Variants in RORA observed in about 807,000 individuals in gnomAD.
The protein encoded by RORA is RAR related orphan receptor A.
In RORA, 7 loss-of-function variants were observed where a neutral mutation model predicts 69.5. The observed-to-expected ratio is 0.10, with a 90% CI of 0.06 to 0.19. The LOEUF (loss-of-function observed/expected upper bound fraction) is 0.19. Ranked by LOEUF, RORA falls within the 10% of genes least tolerant of loss-of-function variation. RORA has a pLI of 1.00. For synonymous variants in RORA, 261 were observed against 240.8 expected (o/e 1.08, Z -0.78); for missense variants, 457 against 663.0 (o/e 0.69, Z 3.41).
At chr15:60,868,251 G>A (rs957961244) in intron 1 of RORA, among the ~76,000 whole-genome samples, 22 of 152,250 alleles carry the variant, frequency 1.4e-4, no homozygotes, top group Middle Eastern at 6.8e-3. Context: ...GTCACTGGAG[G>A]TATCTGTGAA....
Position 60,511,581 on chromosome 15 carries a change from G to A in RORA, c.465C>T (p.Ser155=). The part of the protein sequence containing the change: ...FGRMSKKQRD[S]LYAEVQKHRM... ...GGTGTTTCTGTACTTCTGCATACAA[G>A]CTGTCTCTCTGCTTTTTTGACATTC... Residue 155 remains serine (S), a synonymous_variant, in exon 5 of 11, where the codon AGC becomes AGT. Coordinates refer to ENST00000335670, the MANE Select transcript of RORA (RefSeq NM_134261.3). The surrounding 1 kb of genome is among the most constrained non-coding windows in gnomAD (Gnocchi z 6.4). 1.2e-6 allele frequency: 2 copies of A among 1,611,774 alleles called. No homozygotes were observed. Among genetic ancestry groups the A allele is most frequent in the Non-Finnish European group, 1.7e-6 (2 of 1,178,502 alleles).
intron 1 of RORA, among the ~76,000 whole-genome samples, chr15:61,201,444 A>G (rs1354373539): frequency 1.3e-5 from 2 of 152,222 alleles, no homozygotes; most frequent in Non-Finnish European, 2.9e-5. Flanking sequence ...ACAGGTGAAG[A>G]TATGAAACAG....
intron 2 of RORA, among the ~76,000 whole-genome samples, chr15:60,618,439 A>G (rs941263036): frequency 3.3e-5 from 5 of 152,180 alleles, no homozygotes; most frequent in Non-Finnish European, 5.9e-5. Context: ...CACCCCAGGC[A>G]CCTGGCACAC....
At chr15:60,793,177 G>T (rs1026735382) in intron 1 of RORA, among the ~76,000 whole-genome samples, 3 of 152,094 alleles carry the variant, frequency 2.0e-5, no homozygotes, top group Non-Finnish European at 4.4e-5. Context: ...AGTTCCTTTT[G>T]GCCTGAACAT....
intron 1 of RORA, among the ~76,000 whole-genome samples, chr15:60,787,846 A>G (rs562457972): frequency 6.6e-6 from 1 of 152,304 alleles, no homozygotes; most frequent in East Asian, 1.9e-4. Context: ...GAAGTTCATC[A>G]GGCATCAGAA....
chr15:60,971,248 T>G lies in RORA; in HGVS notation c.166+257805A>C, dbSNP rs147370273. Among the ~76,000 whole-genome samples the G allele has an allele frequency of 1.1e-3, 168 of 152,294 alleles. 1 individual carries two copies. The highest frequency in any genetic ancestry group is 3.9e-3 in the African/African-American group (164 of 41,562). ...CTCTGGACTCCCCTAACACTGCATT[T>G]GTATCTCCACTACTGCCTTTCCCGA... On this transcript the variant is annotated intron_variant, in intron 1 of 10. Coordinates refer to ENST00000335670, the MANE Select transcript of RORA (RefSeq NM_134261.3).
At chr15:60,777,360 C>G (rs1381922302) in intron 1 of RORA, among the ~76,000 whole-genome samples, 8 of 152,148 alleles carry the variant, frequency 5.3e-5, no homozygotes, top group Non-Finnish European at 1.0e-4. Flanking sequence ...ATCACGAGAC[C>G]CTGGTTACAG....
chr15:60,897,801 C>G (rs1891269597), intron 1 of RORA, among the ~76,000 whole-genome samples: 1 of 152,232 alleles, frequency 6.6e-6, no homozygotes, highest in Admixed American at 6.5e-5. Flanking sequence ...GGAGCTAAGT[C>G]TCAGCCATGA....
chr15:60,569,711 G>A (rs1024496237), intron 2 of RORA, among the ~76,000 whole-genome samples: 2 of 151,898 alleles, frequency 1.3e-5, no homozygotes, highest in African/African-American at 2.4e-5. Flanking sequence ...GGCTTGAACA[G>A]GGGAGGATGA....
chr15:60,612,259 T>C (rs530657014), intron 2 of RORA, among the ~76,000 whole-genome samples: 1 of 151,944 alleles, frequency 6.6e-6, no homozygotes, highest in East Asian at 1.9e-4. Context: ...GCTTGCCTTT[T>C]TTCCCCTGTG....
chr15:60,551,401 A>G (rs993828636), intron 2 of RORA, among the ~76,000 whole-genome samples: 6 of 152,088 alleles, frequency 3.9e-5, no homozygotes, highest in Non-Finnish European at 7.4e-5. Context: ...CCACATCCTC[A>G]TCTGGCTGAC....
chr15:60,499,858 C>A, intron 10 of RORA, 34 bp downstream of exon 10: 1 of 1,241,406 alleles, frequency 8.1e-7, no homozygotes. Context: ...GGGGATAGTT[C>A]AGGCCATGCC....
intron 2 of RORA, among the ~76,000 whole-genome samples, chr15:60,637,475 TTTC>T (rs2069862143): frequency 6.6e-6 from 1 of 152,180 alleles, no homozygotes; most frequent in African/African-American, 2.4e-5. Context: ...TATTCTGTAA[TTTC>T]TTCTATTACT....
chr15:61,201,540 G>C (rs571143359), intron 1 of RORA, among the ~76,000 whole-genome samples: 1 of 152,118 alleles, frequency 6.6e-6, no homozygotes, highest in Non-Finnish European at 1.5e-5. Flanking sequence ...ATTCAGTCTC[G>C]TGGGCACTTA....
rs545432741 is a variant in RORA at position 60,759,484 on chromosome 15, A to T, written c.167-80798T>A. On this transcript the variant is annotated intron_variant, in intron 1 of 10. Coordinates refer to ENST00000335670, the MANE Select transcript of RORA (RefSeq NM_134261.3). Reference sequence around the variant, plus strand: ...GGGGGGCAACTTTGAGTCAGTAGCAACCACAATTCCCACAAGAGAATAATG... The same window carrying T: ...GGGGGGCAACTTTGAGTCAGTAGCATCCACAATTCCCACAAGAGAATAATG... Among the ~76,000 whole-genome samples, 19 of 152,330 alleles carry T rather than the reference A, an allele frequency of 1.2e-4. 1 individual carries two copies. In the South Asian group the frequency reaches 3.9e-3, roughly 32 times the overall value.
At chr15:61,120,958 C>A (rs1490943649) in intron 1 of RORA, among the ~76,000 whole-genome samples, 1 of 151,534 alleles carries the variant, frequency 6.6e-6, no homozygotes, top group Non-Finnish European at 1.5e-5. Context: ...AGCGATTCTC[C>A]TGTCTCAGCT....
intron 2 of RORA, among the ~76,000 whole-genome samples, chr15:60,602,293 G>C (rs2068834713): frequency 6.6e-6 from 1 of 152,168 alleles, no homozygotes; most frequent in African/African-American, 2.4e-5. Flanking sequence ...GTCTGTTTCT[G>C]ACAGTTGCCT....
At chr15:61,137,087 G>GAAAGA (rs1352180651) in intron 1 of RORA, among the ~76,000 whole-genome samples, 2 of 145,326 alleles carry the variant, frequency 1.4e-5, no homozygotes, top group African/African-American at 2.6e-5. Flanking sequence ...AAGAAAGAAA[G>GAAAGA]AAAGAAAGAA....
At chr15:60,934,467 TTTGTTGTTGTTG>T (rs59877483) in intron 1 of RORA, among the ~76,000 whole-genome samples, 20 of 147,022 alleles carry the variant, frequency 1.4e-4, no homozygotes, top group Non-Finnish European at 2.4e-4. Context: ...GGCCCAAGAG[TTTGTTGTTGTTG>T]TTGTTGTTGT....
Sources: allele counts gnomAD v4.1 joint callset (sites outside exome capture counted in the v4.1 genomes callset), GRCh38; gene constraint gnomAD v4.1.1; non-coding constraint Gnocchi (gnomAD v3.1); transcripts MANE v1.5; gene names NCBI Gene and HGNC (gene_info 2026-07-23, HGNC 2026-07-21).